The following LRP1B variants were observed in gnomAD, a reference collection of about 807,000 sequenced individuals.
LRP1B encodes low-density lipoprotein receptor-related protein 1B.
LRP1B carries 217 observed loss-of-function variants against 556.6 expected under a neutral mutation model. The ratio of observed to expected loss-of-function variants is 0.39; its 90% CI spans 0.35 to 0.44. LRP1B has a LOEUF of 0.44. Ranked by LOEUF, LRP1B falls within the 20% of genes least tolerant of loss-of-function variation. The pLI, the probability that LRP1B is intolerant of heterozygous loss-of-function variation, is 1.00. For missense variants in LRP1B, 5,053 were observed against 5,620.8 expected, an observed-to-expected ratio of 0.90 and a Z score of 3.23; for synonymous variants, 2,047 against 1,865.8, an observed-to-expected ratio of 1.10 and a Z score of -2.50.
intron 2 of LRP1B, among the ~76,000 whole-genome samples, chr2:141,727,797 C>T (rs1035094961): frequency 6.6e-6 from 1 of 151,892 alleles, no homozygotes; most frequent in Non-Finnish European, 1.5e-5. Context: ...TAAAATCTAT[C>T]TATATATCAA....
intron 7 of LRP1B, among the ~76,000 whole-genome samples, chr2:141,131,007 C>G (rs531687165): frequency 1.3e-5 from 2 of 152,136 alleles, no homozygotes; most frequent in South Asian, 4.1e-4. Flanking sequence ...GGGAACATCA[C>G]ACAGGGCATA....
chr2:140,416,173 C>A (rs563078001), intron 66 of LRP1B, among the ~76,000 whole-genome samples: 1 of 152,144 alleles, frequency 6.6e-6, no homozygotes, highest in East Asian at 1.9e-4. Context: ...TCAGCTGTGG[C>A]ATTAGATTCT....
intron 35 of LRP1B, among the ~76,000 whole-genome samples, chr2:140,717,819 G>T (rs534545068): frequency 1.3e-5 from 2 of 152,068 alleles, no homozygotes; most frequent in Admixed American, 6.6e-5. Flanking sequence ...TTGAGGTTCT[G>T]TTTCAAATGA....
At chr2:141,330,611 T>C (rs1687602735) in intron 3 of LRP1B, among the ~76,000 whole-genome samples, 1 of 152,128 alleles carries the variant, frequency 6.6e-6, no homozygotes, top group Non-Finnish European at 1.5e-5. Context: ...ACTCAACTTG[T>C]TTGCAAAGCA....
chr2:140,651,452 T>C (rs1453270089), intron 41 of LRP1B, among the ~76,000 whole-genome samples: 5 of 145,392 alleles, frequency 3.4e-5, no homozygotes, highest in African/African-American at 1.0e-4. Flanking sequence ...TGTATACATA[T>C]GTAACTAACC....
At chr2:141,252,352 G>T (rs1684295652) in intron 4 of LRP1B, among the ~76,000 whole-genome samples, 1 of 152,186 alleles carries the variant, frequency 6.6e-6, no homozygotes, top group Non-Finnish European at 1.5e-5. Context: ...AAATATTGCT[G>T]AGTAGCATAA....
At chr2:141,146,436 T>C (rs1701786828) in intron 7 of LRP1B, among the ~76,000 whole-genome samples, 1 of 152,220 alleles carries the variant, frequency 6.6e-6, no homozygotes, top group South Asian at 2.1e-4. Context: ...TACAAACCTA[T>C]ATTACCATGT....
intron 35 of LRP1B, among the ~76,000 whole-genome samples, chr2:140,765,287 A>C (rs1689062596): frequency 6.6e-6 from 1 of 152,156 alleles, no homozygotes; most frequent in Non-Finnish European, 1.5e-5. Context: ...AGTTTTACAG[A>C]TGAATAATTA....
intron 43 of LRP1B, among the ~76,000 whole-genome samples, chr2:140,573,247 TA>T (rs1276626567): frequency 6.6e-6 from 1 of 151,904 alleles, no homozygotes; most frequent in Admixed American, 6.6e-5. Context: ...CTGTATACCA[TA>T]AATATGTACA....
rs1460557626 is a variant in LRP1B, at chr2:141,369,347, A to C, written c.343+111049T>G. 2.0e-5 allele frequency among the ~76,000 whole-genome samples: 3 copies of C among 152,148 alleles called. No homozygotes were observed. In the East Asian group the frequency reaches 5.8e-4, roughly 29 times the overall value. On this transcript the variant is annotated intron_variant, in intron 3 of 90. Coordinates refer to ENST00000389484, the MANE Select transcript of LRP1B (RefSeq NM_018557.3). ...AGAGATAGGTAACATAGGTGAAAGA[A>C]TTTTTAAGAATAAGACTGAAATTCA...
At position 140,832,809 on chromosome 2, in the gene LRP1B, G is replaced by A. The variant is rs574657218; in HGVS notation, c.5209+7182C>T. Reference sequence around the variant, plus strand: ...ACAAAAGTACAGTTAGAAAGAATAAGATCTAGTGTTTGATAGCACAGTAGA... The same window carrying A: ...ACAAAAGTACAGTTAGAAAGAATAAAATCTAGTGTTTGATAGCACAGTAGA... On this transcript the variant is annotated intron_variant, in intron 31 of 90. Coordinates refer to ENST00000389484, the MANE Select transcript of LRP1B (RefSeq NM_018557.3). Among the ~76,000 whole-genome samples, 91 of 152,248 alleles carry A rather than the reference G, an allele frequency of 6.0e-4. No individual in the cohort carries two copies. In the South Asian group the frequency reaches 6.0e-3, roughly 10 times the overall value.
chr2:141,417,877 A>T (rs1679974661), intron 3 of LRP1B, among the ~76,000 whole-genome samples: 1 of 151,628 alleles, frequency 6.6e-6, no homozygotes, highest in African/African-American at 2.4e-5. Flanking sequence ...CCAGCACATC[A>T]TTTTAAAGTT....
intron 3 of LRP1B, among the ~76,000 whole-genome samples, chr2:141,279,048 T>C (rs60387535): frequency 6.6e-6 from 1 of 152,152 alleles, no homozygotes; most frequent in Non-Finnish European, 1.5e-5. Flanking sequence ...GGATTATCAT[T>C]AATTTATGTG....
At chr2:141,757,439 A>G (rs1217079255) in intron 2 of LRP1B, among the ~76,000 whole-genome samples, 1 of 152,208 alleles carries the variant, frequency 6.6e-6, no homozygotes, top group Non-Finnish European at 1.5e-5. Flanking sequence ...AATTATATGC[A>G]CACTAATGTT....
chr2:140,955,558 T>C (rs1446175646), intron 18 of LRP1B, among the ~76,000 whole-genome samples: 2 of 151,826 alleles, frequency 1.3e-5, no homozygotes, highest in South Asian at 2.1e-4. Context: ...AAGAAAACTA[T>C]ATTTTATCTT....
chr2:142,111,418 A>C lies in LRP1B; in HGVS notation c.82+19230T>G, dbSNP rs866582514. Among the ~76,000 whole-genome samples, 16 of 152,046 alleles carry C rather than the reference A, an allele frequency of 1.1e-4. 1 individual carries two copies. The highest frequency in any genetic ancestry group is 2.0e-4 in the Admixed American group (3 of 15,234). ...TTTTGTAAATTACTGGGAACAGCTC[A>C]AGTGTAGGCTCCTGGATCCTGCGCA... On this transcript the variant is annotated intron_variant, in intron 1 of 90. Coordinates refer to ENST00000389484, the MANE Select transcript of LRP1B (RefSeq NM_018557.3).
At chr2:140,652,150 T>G (rs549513470) in intron 41 of LRP1B, among the ~76,000 whole-genome samples, 1 of 151,986 alleles carries the variant, frequency 6.6e-6, no homozygotes, top group Non-Finnish European at 1.5e-5. Flanking sequence ...TAAGGAAATA[T>G]TATAGGAAAT....
At chr2:141,373,821 T>C (rs189479467) in intron 3 of LRP1B, among the ~76,000 whole-genome samples, 2 of 152,180 alleles carry the variant, frequency 1.3e-5, no homozygotes, top group Admixed American at 6.5e-5. Context: ...TTTCAAGGTG[T>C]TTTATCATTT....
chr2:141,497,730 G>T (rs1266201501), intron 2 of LRP1B, among the ~76,000 whole-genome samples: 1 of 151,900 alleles, frequency 6.6e-6, no homozygotes, highest in South Asian at 2.1e-4. Context: ...CAAATCTACT[G>T]AACAAACTAT....
Sources: allele counts gnomAD v4.1 joint callset (sites outside exome capture counted in the v4.1 genomes callset), GRCh38; gene constraint gnomAD v4.1.1; transcripts MANE v1.5; gene names NCBI Gene and HGNC (gene_info 2026-07-23, HGNC 2026-07-21).